The following PDZD2 variants were observed in gnomAD, a reference collection of about 807,000 sequenced individuals.
PDZD2 encodes PDZ domain-containing protein 2.
A neutral mutation model predicts 220.7 loss-of-function variants in PDZD2; 90 were observed. The ratio of observed to expected loss-of-function variants is 0.41; its 90% confidence interval spans 0.34 to 0.49. PDZD2 has a LOEUF of 0.49. PDZD2 is among the 20% of genes least tolerant of loss of function. The probability of loss-of-function intolerance (pLI) is 0.28; values close to 1 mark genes in which losing one functional copy is unlikely to be tolerated. For synonymous variants in PDZD2, 1,375 were observed against 1,450.5 expected (o/e 0.95, Z 1.18); for missense variants, 3,174 against 3,608.5 (o/e 0.88, Z 3.08).
rs144970204 is a variant in PDZD2, at chr5:31,944,800, C to T, written c.477-38355C>T. 7.1e-3 allele frequency among the ~76,000 whole-genome samples: 1,081 copies of T among 152,304 alleles called. 13 individuals carry two copies. Among genetic ancestry groups the T allele is most frequent in the African/African-American group, 0.025 (1,037 of 41,570 alleles). On this transcript the variant is annotated intron_variant, in intron 2 of 24. Coordinates refer to ENST00000438447, the MANE Select transcript of PDZD2 (RefSeq NM_178140.4). ...ATTCCCTGGGAAGCAGCTGCAGCTG[C>T]GCCTTGGAGGGGCCGCTTCCTGGCC...
chr5:31,849,032 G>C (rs1474549583), intron 2 of PDZD2, among the ~76,000 whole-genome samples: 1 of 152,170 alleles, frequency 6.6e-6, no homozygotes, highest in Non-Finnish European at 1.5e-5. Context: ...CTGGGCGACA[G>C]AGCGAGACTC....
chr5:31,781,414 A>C (rs1753056603), intron 1 of PDZD2, among the ~76,000 whole-genome samples: 1 of 152,210 alleles, frequency 6.6e-6, no homozygotes, highest in African/African-American at 2.4e-5. Flanking sequence ...ACTCCATCTC[A>C]AAAAAGCAAC....
At chr5:31,707,209 G>A (rs1021306877) in intron 1 of PDZD2, among the ~76,000 whole-genome samples, 1 of 151,242 alleles carries the variant, frequency 6.6e-6, no homozygotes, top group Non-Finnish European at 1.5e-5. Flanking sequence ...TGTAAATGAC[G>A]AGTTAATGGG....
At chr5:31,852,814 C>T (rs932146148) in intron 2 of PDZD2, among the ~76,000 whole-genome samples, 1 of 152,166 alleles carries the variant, frequency 6.6e-6, no homozygotes, top group African/African-American at 2.4e-5. Flanking sequence ...TCAGGCTGGT[C>T]TCGAACTCCT....
At chr5:32,095,496 G>A (rs1398507109) in intron 21 of PDZD2, among the ~76,000 whole-genome samples, 1 of 152,132 alleles carries the variant, frequency 6.6e-6, no homozygotes, top group East Asian at 1.9e-4. Flanking sequence ...CTTCGAGGCT[G>A]AAAACAAACC....
At chr5:32,063,027 A>ATATTATTATTATTAT (rs147802513) in intron 14 of PDZD2, among the ~76,000 whole-genome samples, 11,610 of 142,212 alleles carry the variant, frequency 0.082, 655 homozygotes, top group African/African-American at 0.15. Flanking sequence ...TGAGAATGAA[A>ATATTATTATTATTAT]TATTATTATT....
intron 1 of PDZD2, chr5:31,741,980 A>G (rs1750293018): frequency 6.6e-6 from 1 of 152,242 alleles, no homozygotes; most frequent in Non-Finnish European, 1.5e-5. Context: ...AAAACTGCAT[A>G]GTGGAGGTCT....
At chr5:31,673,652 C>T (rs1580546539) in intron 1 of PDZD2, among the ~76,000 whole-genome samples, 1 of 152,260 alleles carries the variant, frequency 6.6e-6, no homozygotes, top group East Asian at 1.9e-4. Flanking sequence ...ATAGAGCCCT[C>T]ACAATGGGAT....
At chr5:31,910,433 G>A (rs1208953869) in intron 2 of PDZD2, among the ~76,000 whole-genome samples, 1 of 141,542 alleles carries the variant, frequency 7.1e-6, no homozygotes, top group Non-Finnish European at 1.5e-5. Context: ...TTGAGACAGA[G>A]TCTCACTCTG....
intron 2 of PDZD2, among the ~76,000 whole-genome samples, chr5:31,819,605 C>T (rs549845302): frequency 2.2e-5 from 3 of 139,404 alleles, no homozygotes; most frequent in African/African-American, 5.5e-5. Flanking sequence ...TGCAGTGAGC[C>T]GAGATCATGC....
chr5:31,791,605 A>G (rs2150221108), intron 1 of PDZD2, among the ~76,000 whole-genome samples: 1 of 151,270 alleles, frequency 6.6e-6, no homozygotes, highest in East Asian at 2.0e-4. Flanking sequence ...AAAAAAAAAA[A>G]AAAAAAAAAG....
At chr5:31,640,222 C>A (rs971537322) in intron 1 of PDZD2, among the ~76,000 whole-genome samples, 1 of 152,178 alleles carries the variant, frequency 6.6e-6, no homozygotes, top group East Asian at 1.9e-4. Context: ...CAGGAGTTTG[C>A]CAGAAGCTGT....
At chr5:31,787,399 C>T (rs1753441893) in intron 1 of PDZD2, among the ~76,000 whole-genome samples, 1 of 152,150 alleles carries the variant, frequency 6.6e-6, no homozygotes, top group South Asian at 2.1e-4. Flanking sequence ...ACAGTTGAAG[C>T]CACAGCAAAT....
At chr5:31,990,038 T>G (rs186933028) in intron 3 of PDZD2, among the ~76,000 whole-genome samples, 1 of 152,210 alleles carries the variant, frequency 6.6e-6, no homozygotes, top group African/African-American at 2.4e-5. Context: ...GACTTCCAGC[T>G]CTGACATTAT....
At chr5:31,914,014 A>G (rs1449116967) in intron 2 of PDZD2, among the ~76,000 whole-genome samples, 6 of 152,070 alleles carry the variant, frequency 3.9e-5, no homozygotes, top group African/African-American at 1.4e-4. Context: ...GGGTGACAGG[A>G]ATGTCAGTGT....
intron 2 of PDZD2, among the ~76,000 whole-genome samples, chr5:31,891,247 C>T (rs1741012237): frequency 6.6e-6 from 1 of 150,434 alleles, no homozygotes; most frequent in South Asian, 2.1e-4. Context: ...AGTGATTCTC[C>T]TGCCTCAGCC....
chr5:31,980,079 A>G (rs1750166354), intron 2 of PDZD2, among the ~76,000 whole-genome samples: 1 of 152,212 alleles, frequency 6.6e-6, no homozygotes, highest in Non-Finnish European at 1.5e-5. Context: ...CATAACAGAA[A>G]ATTCACCATT....
intron 2 of PDZD2, chr5:31,847,933 C>T (rs932617195): frequency 4.3e-6 from 2 of 459,976 alleles, no homozygotes; most frequent in African/African-American, 4.0e-5. Flanking sequence ...AGAAACCATT[C>T]TCTCAATACA....
At chr5:31,728,254 C>A (rs1749299761) in intron 1 of PDZD2, among the ~76,000 whole-genome samples, 1 of 152,026 alleles carries the variant, frequency 6.6e-6, no homozygotes, top group African/African-American at 2.4e-5. Context: ...ACACACATGA[C>A]CACTGAGTAT....
Sources: gnomAD v4.1 joint callset for allele counts (sites outside exome capture counted in the v4.1 genomes callset) on GRCh38, gnomAD v4.1.1 for gene constraint, MANE v1.5 for transcripts, NCBI Gene and HGNC (gene_info 2026-07-23, HGNC 2026-07-21) for gene names.